Variants in RIN3 observed in about 807,000 individuals in gnomAD.
RIN3 encodes the protein RAB5 interacting protein 3.
Under a neutral mutation model 76.3 loss-of-function variants are expected in RIN3, and 54 were observed. The observed-to-expected ratio is 0.71, with a 90% CI of 0.57 to 0.89. RIN3 has a LOEUF of 0.89. RIN3 is among the 40% of genes least tolerant of loss of function. The pLI is 0.00. For missense variants in RIN3, 1,256 were observed against 1,322.1 expected (o/e 0.95, Z 0.78); for synonymous variants, 576 against 564.0 (o/e 1.02, Z -0.30).
chr14:92,600,545 C>T lies in RIN3; in HGVS notation c.368-14862C>T, dbSNP rs552966523. ...CAACTCATTTCCTGGCTCTTGGTGT[C>T]TCTGCACTGCTGGTGAAGAGGATGG... On this transcript the variant is annotated intron_variant, in intron 3 of 9. Transcript: ENST00000216487. 2.6e-5 allele frequency among the ~76,000 whole-genome samples: 4 copies of T among 152,358 alleles called. No individual in the cohort carries two copies. The East Asian group carries it at 7.7e-4, about 29-fold the overall frequency.
chr14:92,606,365 C>A (rs998094392), intron 3 of RIN3, among the ~76,000 whole-genome samples: 1 of 151,736 alleles, frequency 6.6e-6, no homozygotes, highest in Admixed American at 6.6e-5. Flanking sequence ...ATATTGAGAC[C>A]CCATATCTAC....
intron 1 of RIN3, among the ~76,000 whole-genome samples, chr14:92,551,532 G>A (rs183401405): frequency 9.9e-4 from 151 of 152,262 alleles, no homozygotes; most frequent in Non-Finnish European, 2.4e-4. Flanking sequence ...CCATATCTTT[G>A]TCTAAAGTGC....
chr14:92,551,909 A>C (rs892633944), intron 1 of RIN3, among the ~76,000 whole-genome samples: 1 of 152,158 alleles, frequency 6.6e-6, no homozygotes, highest in Non-Finnish European at 1.5e-5. Flanking sequence ...TTTTATGATC[A>C]TTGCTTTCTG....
intron 7 of RIN3, among the ~76,000 whole-genome samples, chr14:92,674,146 C>T (rs1377920534): frequency 6.6e-6 from 1 of 152,222 alleles, no homozygotes; most frequent in African/African-American, 2.4e-5. Flanking sequence ...GCACCTCGTT[C>T]TCCAACCTCC....
chr14:92,687,876 C>A, intron 9 of RIN3, 50 bp from the exon 10 acceptor site: 1 of 1,460,594 alleles, frequency 6.8e-7, no homozygotes, highest in Non-Finnish European at 9.0e-7. Flanking sequence ...GAGAGGGCGC[C>A]TGAGGAGACA....
At chr14:92,588,181 A>G (rs1324239339) in intron 3 of RIN3, among the ~76,000 whole-genome samples, 1 of 137,996 alleles carries the variant, frequency 7.2e-6, no homozygotes, top group Non-Finnish European at 1.5e-5. Flanking sequence ...CAACACGTGA[A>G]TTTCGGAGGG....
chr14:92,654,751 G>A (rs777782258), intron 6 of RIN3, among the ~76,000 whole-genome samples: 1 of 152,204 alleles, frequency 6.6e-6, no homozygotes, highest in African/African-American at 2.4e-5. Flanking sequence ...TCGACAAAGA[G>A]TTATTGGGCA....
At chr14:92,584,970 C>G (rs943970935) in intron 3 of RIN3, among the ~76,000 whole-genome samples, 1 of 152,120 alleles carries the variant, frequency 6.6e-6, no homozygotes, top group South Asian at 2.1e-4. Context: ...CCAGGTAGCC[C>G]CTCTTCATTT....
chr14:92,521,908 C>A (rs1393406064), intron 1 of RIN3, among the ~76,000 whole-genome samples: 1 of 152,166 alleles, frequency 6.6e-6, no homozygotes, highest in Admixed American at 6.5e-5. Flanking sequence ...TGAATTGGAT[C>A]TTGAAAGATA....
chr14:92,688,212 G>A lies in RIN3; in HGVS notation c.2918G>A (p.Ser973Asn), dbSNP rs1441729054. Reference protein sequence around the residue: ...LDGGGGGGGGSPPCLVVREPN... With the variant: ...LDGGGGGGGGNPPCLVVREPN... ...GGTGGTGGCGGCGGCGGCGGCGGGA[G>A]CCCGCCCTGCCTGGTGGTGCGGGAG... Residue 973 changes from serine to asparagine, a missense_variant, in exon 10 of 10, where the codon AGC becomes AAC. Ser to Asn is a conservative substitution (Grantham distance 46, BLOSUM62 1). Coordinates refer to ENST00000216487, the MANE Select transcript of RIN3 (RefSeq NM_024832.5). 21 of 1,601,944 alleles carry A rather than the reference G, an allele frequency of 1.3e-5. No homozygotes were observed. The highest frequency in any genetic ancestry group is 1.1e-4 in the East Asian group (5 of 44,592).
Position 92,685,095 on chromosome 14 carries a change from G to T in RIN3, c.2576G>T (p.Arg859Leu), listed in dbSNP as rs368886227. The T allele has an allele frequency of 4.3e-6, 7 of 1,613,560 alleles. No homozygotes were observed. The highest frequency in any genetic ancestry group is 5.9e-6 in the Non-Finnish European group (7 of 1,179,898). Residue 859 changes from arginine to leucine, a missense_variant, in exon 9 of 10, where the codon CGC (arginine) becomes CTC (leucine). By Grantham distance (102) the Arg-to-Leu change is moderately radical. Transcript: ENST00000216487. This position sits in a 1 kb window ranked among gnomAD's most constrained non-coding sequence, Gnocchi z 4.7. ...GTGGAGGTGCAGGACTCCATCCACCGCTGGGAGCGCCGGCGTACTCTCAAC... is the reference window on the plus strand; with the variant it reads ...GTGGAGGTGCAGGACTCCATCCACCTCTGGGAGCGCCGGCGTACTCTCAAC... ...LSVEVQDSIH[R>L]WERRRTLNKA...
chr14:92,601,426 T>C (rs1595446841), intron 3 of RIN3, among the ~76,000 whole-genome samples: 1 of 152,146 alleles, frequency 6.6e-6, no homozygotes, highest in Non-Finnish European at 1.5e-5. Context: ...ACAGTGGCGG[T>C]CACTTTCTCC....
intron 7 of RIN3, among the ~76,000 whole-genome samples, chr14:92,661,756 C>CAAAAAAAAAA (rs1195736886): frequency 1.7e-5 from 2 of 118,718 alleles, no homozygotes; most frequent in African/African-American, 5.4e-5. Context: ...CACACACACA[C>CAAAAAAAAAA]ACAAAAAATA....
chr14:92,686,690 G>A (rs1888869073), intron 9 of RIN3: 1 of 152,374 alleles, frequency 6.6e-6, no homozygotes, highest in Admixed American at 6.5e-5. Context: ...CTTCGGAGGG[G>A]GGTCCCCTCA....
intron 1 of RIN3, among the ~76,000 whole-genome samples, chr14:92,537,764 G>A (rs965694444): frequency 1.3e-5 from 2 of 150,198 alleles, no homozygotes; most frequent in Non-Finnish European, 2.9e-5. Flanking sequence ...CGATTCTCCT[G>A]CCTCAGCCTC....
At chr14:92,604,909 CTTTTTTTTTTTTTTTTTTTTT>C (rs148326639) in intron 3 of RIN3, among the ~76,000 whole-genome samples, 5 of 90,072 alleles carry the variant, frequency 5.6e-5, no homozygotes, top group African/African-American at 9.8e-5. Flanking sequence ...CCATTTTCCT[CTTTTTTTTTTTTTTTTTTTTT>C]TTTTTTTTTT....
intron 4 of RIN3, among the ~76,000 whole-genome samples, chr14:92,633,752 G>C (rs919730208): frequency 6.6e-6 from 1 of 151,992 alleles, no homozygotes; most frequent in African/African-American, 2.4e-5. Context: ...CAGTTTAGTG[G>C]GTCATGACTT....
At chr14:92,605,325 G>T (rs920389790) in intron 3 of RIN3, among the ~76,000 whole-genome samples, 1 of 152,306 alleles carries the variant, frequency 6.6e-6, no homozygotes, top group South Asian at 2.1e-4. Context: ...CTTCAAATGG[G>T]GGTCAGAACT....
At chr14:92,627,544 A>G (rs1886399850) in intron 4 of RIN3, among the ~76,000 whole-genome samples, 1 of 152,244 alleles carries the variant, frequency 6.6e-6, no homozygotes, top group Admixed American at 6.5e-5. Context: ...CCTCCAGGAT[A>G]TCCCGACCAC....
Sources: gnomAD v4.1 joint callset for allele counts (sites outside exome capture counted in the v4.1 genomes callset) on GRCh38, gnomAD v4.1.1 for gene constraint, Gnocchi (gnomAD v3.1) non-coding constraint, MANE v1.5 for transcripts, NCBI Gene and HGNC (gene_info 2026-07-23, HGNC 2026-07-21) for gene names.